Variants in UNC5D observed in about 807,000 individuals in gnomAD.
UNC5D encodes the protein unc-5 netrin receptor D.
UNC5D carries 39 observed loss-of-function variants against 105.4 expected under a neutral mutation model. The observed-to-expected ratio is 0.37, with a 90% CI of 0.29 to 0.48. The LOEUF (loss-of-function observed/expected upper bound fraction) is 0.48, where lower values mean the gene tolerates loss of function less well. Among genes scored for constraint, UNC5D ranks in the 20% least tolerant of loss-of-function variants. UNC5D has a pLI of 0.98. For synonymous variants in UNC5D, 452 were observed against 450.4 expected (o/e 1.00, Z -0.04); for missense variants, 991 against 1,202.4 (o/e 0.82, Z 2.60).
At chr8:35,275,750 G>A (rs532516227) in intron 1 of UNC5D, among the ~76,000 whole-genome samples, 1 of 152,164 alleles carries the variant, frequency 6.6e-6, no homozygotes, top group South Asian at 2.1e-4. Context: ...TATCTCCTGG[G>A]GCTTGAAGTA....
At chr8:35,537,548 T>G (rs1814928330) in intron 1 of UNC5D, among the ~76,000 whole-genome samples, 1 of 152,070 alleles carries the variant, frequency 6.6e-6, no homozygotes, top group Admixed American at 6.6e-5. Context: ...GGGCATGGTG[T>G]CACACATCTG....
At chr8:35,507,092 G>C (rs1272967847) in intron 1 of UNC5D, among the ~76,000 whole-genome samples, 2 of 110,744 alleles carry the variant, frequency 1.8e-5, no homozygotes, top group East Asian at 5.3e-4. Context: ...GTCTCGCTCT[G>C]TCGCCCAGGC....
At chr8:35,452,584 T>C (rs2128992094) in intron 1 of UNC5D, among the ~76,000 whole-genome samples, 1 of 152,086 alleles carries the variant, frequency 6.6e-6, no homozygotes, top group East Asian at 1.9e-4. Flanking sequence ...TATTAACAAA[T>C]TTTACCAAGC....
chr8:35,753,265 T>G (rs186667070), intron 13 of UNC5D, among the ~76,000 whole-genome samples: 67 of 149,356 alleles, frequency 4.5e-4, no homozygotes, highest in African/African-American at 1.5e-3. Context: ...CATTGAGAGA[T>G]ATTTCTTTTT....
At chr8:35,753,230 C>A (rs540497632) in intron 13 of UNC5D, among the ~76,000 whole-genome samples, 1 of 152,224 alleles carries the variant, frequency 6.6e-6, no homozygotes, top group East Asian at 1.9e-4. Flanking sequence ...TATTCTCCCT[C>A]TAATTGAATC....
intron 1 of UNC5D, among the ~76,000 whole-genome samples, chr8:35,475,797 C>G (rs1318581085): frequency 6.6e-6 from 1 of 152,138 alleles, no homozygotes; most frequent in Non-Finnish European, 1.5e-5. Context: ...CATAATGACC[C>G]ATCCCTTTTA....
intron 1 of UNC5D, among the ~76,000 whole-genome samples, chr8:35,413,292 T>TGTGTGTTGTGTGTGTG (rs56157732): frequency 4.7e-5 from 6 of 127,978 alleles, no homozygotes; most frequent in African/African-American, 1.8e-4. Flanking sequence ...TGTGTGTGTG[T>TGTGTGTTGTGTGTGTG]TGTGTGTGTG....
chr8:35,508,986 A>G (rs1356524178), intron 1 of UNC5D, among the ~76,000 whole-genome samples: 1 of 152,182 alleles, frequency 6.6e-6, no homozygotes, highest in Non-Finnish European at 1.5e-5. Flanking sequence ...TCTAAGGTAA[A>G]TGAAAAATTA....
chr8:35,419,916 A>G (rs938655611), intron 1 of UNC5D, among the ~76,000 whole-genome samples: 1 of 152,118 alleles, frequency 6.6e-6, no homozygotes, highest in Non-Finnish European at 1.5e-5. Context: ...ACCCAAATTG[A>G]GCAGCCCTCT....
chr8:35,426,628 C>T (rs1806265763), intron 1 of UNC5D, among the ~76,000 whole-genome samples: 1 of 152,120 alleles, frequency 6.6e-6, no homozygotes, highest in African/African-American at 2.4e-5. Flanking sequence ...TTTTGTATTT[C>T]TTAAAGGCAT....
At chr8:35,774,536 G>T (rs1802153217) in intron 16 of UNC5D, 59 bp downstream of exon 16, 4 of 1,585,226 alleles carry the variant, frequency 2.5e-6, no homozygotes, top group East Asian at 2.3e-5. Flanking sequence ...AACATAAAGT[G>T]GGCTAAGTGA....
At chr8:35,627,895 A>G (rs1414419997) in intron 4 of UNC5D, among the ~76,000 whole-genome samples, 1 of 152,128 alleles carries the variant, frequency 6.6e-6, no homozygotes, top group Non-Finnish European at 1.5e-5. Flanking sequence ...CCACTACACT[A>G]CCGCCTGGGT....
At chr8:35,698,725 AT>A (rs1826970358) in intron 7 of UNC5D, among the ~76,000 whole-genome samples, 1 of 152,130 alleles carries the variant, frequency 6.6e-6, no homozygotes, top group Admixed American at 6.6e-5. Flanking sequence ...AAACATGGGA[AT>A]GTGGATATCT....
rs370020667 is a variant in UNC5D, at chr8:35,620,397, C to T, written c.570+24740C>T. On this transcript the variant is annotated intron_variant, in intron 4 of 16. Coordinates refer to ENST00000404895, the MANE Select transcript of UNC5D (RefSeq NM_080872.4). ...GAGGCAGGACCAGGATCTTTTCATC[C>T]GTAGAATGTAGATAGCCCATCAAAG... 9.9e-5 allele frequency among the ~76,000 whole-genome samples: 15 copies of T among 152,268 alleles called. 1 individual carries two copies. Among genetic ancestry groups the T allele is most frequent in the African/African-American group, 2.2e-4 (9 of 41,554 alleles).
intron 1 of UNC5D, among the ~76,000 whole-genome samples, chr8:35,250,367 A>G (rs1409741519): frequency 6.6e-6 from 1 of 152,094 alleles, no homozygotes; most frequent in Non-Finnish European, 1.5e-5. Flanking sequence ...ATTTCCAAAT[A>G]ATTTCAACTT....
chr8:35,347,944 T>C (rs1053162895), intron 1 of UNC5D, among the ~76,000 whole-genome samples: 3 of 152,006 alleles, frequency 2.0e-5, no homozygotes, highest in Non-Finnish European at 2.9e-5. Context: ...GATTGGGAAC[T>C]AAATGCAAAG....
At chr8:35,525,665 G>A (rs1314310593) in intron 1 of UNC5D, 2 of 1,611,910 alleles carry the variant, frequency 1.2e-6, no homozygotes, top group Non-Finnish European at 1.7e-6. Flanking sequence ...TGGATTGGTA[G>A]TCAAAGGCTA....
intron 1 of UNC5D, among the ~76,000 whole-genome samples, chr8:35,483,502 A>G (rs931968146): frequency 5.3e-5 from 8 of 152,196 alleles, no homozygotes. Flanking sequence ...CATACTATAG[A>G]TTAGGTCATT....
At chr8:35,633,905 T>A (rs2131092468) in intron 4 of UNC5D, among the ~76,000 whole-genome samples, 1 of 152,236 alleles carries the variant, frequency 6.6e-6, no homozygotes, top group Non-Finnish European at 1.5e-5. Flanking sequence ...AAGAATCCTA[T>A]CTGTAGAGCT....
Sources: allele counts gnomAD v4.1 joint callset (sites outside exome capture counted in the v4.1 genomes callset), GRCh38; gene constraint gnomAD v4.1.1; transcripts MANE v1.5; gene names NCBI Gene and HGNC (gene_info 2026-07-23, HGNC 2026-07-21).